ZFYVE9: variants seen among roughly 807,000 people sequenced by gnomAD.
The protein encoded by ZFYVE9 is zinc finger FYVE domain-containing protein 9.
In ZFYVE9, 43 loss-of-function variants were observed where a neutral mutation model predicts 126.7. That is an observed-to-expected ratio of 0.34 (90% CI 0.27 to 0.44). ZFYVE9 has a LOEUF of 0.44. Ranked by LOEUF, ZFYVE9 falls within the 20% of genes least tolerant of loss-of-function variation. ZFYVE9 has a pLI of 1.00. For synonymous variants in ZFYVE9, 521 were observed against 597.4 expected (o/e 0.87, Z 1.87); for missense variants, 1,476 against 1,697.0 (o/e 0.87, Z 2.29).
intron 10 of ZFYVE9, among the ~76,000 whole-genome samples, chr1:52,290,049 C>T (rs1184089778): frequency 6.6e-6 from 1 of 152,194 alleles, no homozygotes; most frequent in East Asian, 1.9e-4. Flanking sequence ...ATAAACATTA[C>T]ACTGTGTCTT....
At chr1:52,161,400 C>T (rs1296446) in intron 1 of ZFYVE9, among the ~76,000 whole-genome samples, 1 of 152,194 alleles carries the variant, frequency 6.6e-6, no homozygotes, top group African/African-American at 2.4e-5. Context: ...AGCGATTCTC[C>T]TGCCTCAGCC....
intron 1 of ZFYVE9, among the ~76,000 whole-genome samples, chr1:52,158,879 G>A (rs189974993): frequency 6.6e-6 from 1 of 150,898 alleles, no homozygotes; most frequent in Admixed American, 6.6e-5. Context: ...TGTAAGCTCC[G>A]CCTCCCAGGT....
At chr1:52,171,177 G>A (rs930631714) in intron 1 of ZFYVE9, among the ~76,000 whole-genome samples, 8 of 149,700 alleles carry the variant, frequency 5.3e-5, no homozygotes, top group Admixed American at 6.6e-5. Flanking sequence ...ACAGTCCCCA[G>A]AGTGTGATGT....
intron 1 of ZFYVE9, among the ~76,000 whole-genome samples, chr1:52,203,545 AG>A (rs1644945440): frequency 7.0e-6 from 1 of 142,384 alleles, no homozygotes; most frequent in Non-Finnish European, 1.5e-5. Context: ...AACTATGTAT[AG>A]GTTTTTTTTG....
intron 2 of ZFYVE9, among the ~76,000 whole-genome samples, chr1:52,221,293 T>C (rs991214155): frequency 4.8e-4 from 73 of 152,208 alleles, no homozygotes; most frequent in African/African-American, 1.7e-3. Flanking sequence ...AAAGAGGTGA[T>C]GCCCTGTTTG....
At position 52,334,432 on chromosome 1, in the gene ZFYVE9, T is replaced by C. The variant is rs548510916; in HGVS notation, c.3590-256T>C. On this transcript the variant is annotated intron_variant, in intron 14 of 18. Transcript: ENST00000287727. ...TGACCTCAACCATTAAGATTCCTTT[T>C]CTTGTAAGATACTTGGATTCTTAAT... Among the ~76,000 whole-genome samples the C allele has an allele frequency of 1.3e-5, 2 of 152,342 alleles. 1 individual carries two copies. Among genetic ancestry groups the C allele is most frequent in the South Asian group, 4.1e-4 (2 of 4,822 alleles).
At chr1:52,316,619 A>G (rs575268084) in intron 13 of ZFYVE9, among the ~76,000 whole-genome samples, 3 of 152,324 alleles carry the variant, frequency 2.0e-5, no homozygotes. Flanking sequence ...TACCATATTT[A>G]TAAAGGGATC....
intron 13 of ZFYVE9, among the ~76,000 whole-genome samples, chr1:52,314,584 A>G (rs1646165746): frequency 6.6e-6 from 1 of 152,088 alleles, no homozygotes; most frequent in Non-Finnish European, 1.5e-5. Context: ...TTGGGATGCC[A>G]AGGCGGGTGG....
intron 1 of ZFYVE9, among the ~76,000 whole-genome samples, chr1:52,182,692 T>G (rs1644723256): frequency 6.6e-6 from 1 of 152,006 alleles, no homozygotes; most frequent in Non-Finnish European, 1.5e-5. Context: ...CCTCCACTAT[T>G]GTCCTGTGAC....
rs1385994422 is a variant in ZFYVE9 at position 52,337,840 on chromosome 1, G to A, written c.3739G>A (p.Asp1247Asn). ...SLRQALREMK[D>N]FTITCGKADA... Reference sequence around the variant, plus strand: ...GAGGCAGGCACTGCGAGAGATGAAGGACTTCACCATCACCTGTGGGAAGGC... The same window carrying A: ...GAGGCAGGCACTGCGAGAGATGAAGAACTTCACCATCACCTGTGGGAAGGC... The change falls in exon 16 of 19, where the codon GAC becomes AAC. Residue 1247 changes from aspartate (D) to asparagine (N), a missense_variant. By Grantham distance (23) the Asp-to-Asn change is conservative (BLOSUM62 1). Around this residue, in one of 2 missense-constraint regions of ZFYVE9, gnomAD observed 669 missense variants for 902.4 expected, o/e 0.74. Transcript: ENST00000287727. The A allele has an allele frequency of 1.2e-6, 2 of 1,614,262 alleles. No homozygotes were observed. The highest frequency in any genetic ancestry group is 4.5e-5 in the East Asian group (2 of 44,890).
In ZFYVE9 at chr1:52,268,314, A is replaced by G. The variant is rs935004467; in HGVS notation, c.2456-149A>G. The G allele has an allele frequency of 5.1e-5, 37 of 722,956 alleles. No homozygotes were observed. The Admixed American group carries it at 8.4e-4, about 16-fold the overall frequency. The allele number at this position is 722,956 out of a possible 1,614,324, so 44.8% of individuals were successfully genotyped here. A position where few individuals can be genotyped will look rare whatever the true frequency, so the allele number is the denominator to read the frequency against. On this transcript the variant is annotated intron_variant, in intron 6 of 18. Transcript: ENST00000287727. ...TTTTAATTCATTTATAACCACTTTT[A>G]TATACAGTTACATTTCTGATGTTTC...
intron 1 of ZFYVE9, among the ~76,000 whole-genome samples, chr1:52,143,974 C>CT (rs1644285377): frequency 6.6e-6 from 1 of 152,126 alleles, no homozygotes; most frequent in East Asian, 1.9e-4. Context: ...TTTTAAAAGT[C>CT]TAATTCAGGC....
chr1:52,267,724 C>G (rs1645647578), intron 6 of ZFYVE9, among the ~76,000 whole-genome samples: 1 of 151,988 alleles, frequency 6.6e-6, no homozygotes, highest in South Asian at 2.1e-4. Context: ...AATCTTTATT[C>G]TCTTCATTTG....
intron 13 of ZFYVE9, among the ~76,000 whole-genome samples, chr1:52,320,315 C>T (rs1192461584): frequency 1.3e-5 from 2 of 152,106 alleles, no homozygotes; most frequent in Non-Finnish European, 2.9e-5. Context: ...GGTGATCCAC[C>T]TACCTCGGCC....
intron 4 of ZFYVE9, among the ~76,000 whole-genome samples, chr1:52,259,551 G>A (rs1223985780): frequency 6.6e-6 from 1 of 151,566 alleles, no homozygotes; most frequent in Non-Finnish European, 1.5e-5. Flanking sequence ...ACTTTGGGAG[G>A]CCCAGGCGGG....
At chr1:52,277,057 A>G (rs1645755087) in intron 8 of ZFYVE9, among the ~76,000 whole-genome samples, 1 of 152,166 alleles carries the variant, frequency 6.6e-6, no homozygotes, top group South Asian at 2.1e-4. Context: ...TTGCTTCTTT[A>G]CCAGGACCCT....
At chr1:52,332,098 T>A (rs1646347927) in intron 13 of ZFYVE9, among the ~76,000 whole-genome samples, 1 of 152,000 alleles carries the variant, frequency 6.6e-6, no homozygotes, top group Non-Finnish European at 1.5e-5. Context: ...TTTATAGAAA[T>A]AAATAACAAC....
chr1:52,145,673 C>T (rs1342728782), intron 1 of ZFYVE9, among the ~76,000 whole-genome samples: 1 of 152,062 alleles, frequency 6.6e-6, no homozygotes, highest in South Asian at 2.1e-4. Flanking sequence ...AGGAGGTGCT[C>T]AATAAATGTA....
intron 1 of ZFYVE9, among the ~76,000 whole-genome samples, chr1:52,147,449 C>T (rs1644315543): frequency 6.6e-6 from 1 of 152,148 alleles, no homozygotes; most frequent in African/African-American, 2.4e-5. Context: ...GTACTTTCTG[C>T]CTCTATGGAT....
Sources: allele counts gnomAD v4.1 joint callset (sites outside exome capture counted in the v4.1 genomes callset), GRCh38; gene constraint gnomAD v4.1.1; regional missense constraint gnomAD v4.1.1; transcripts MANE v1.5; gene names NCBI Gene and HGNC (gene_info 2026-07-23, HGNC 2026-07-21).